RB1CC1: variants seen among roughly 807,000 people sequenced by gnomAD.
The protein encoded by RB1CC1 is RB1 inducible coiled-coil 1.
In RB1CC1, 46 loss-of-function variants were observed where a neutral mutation model predicts 177.5. The ratio of observed to expected loss-of-function variants is 0.26; its 90% CI spans 0.20 to 0.33. The LOEUF (loss-of-function observed/expected upper bound fraction) is 0.33. Ranked by LOEUF, RB1CC1 falls within the 10% of genes least tolerant of loss-of-function variation. The pLI is 1.00. For missense variants in RB1CC1, 1,703 were observed against 1,816.3 expected, an observed-to-expected ratio of 0.94 and a Z score of 1.13; for synonymous variants, 666 against 613.6, an observed-to-expected ratio of 1.09 and a Z score of -1.26.
chr8:52,709,834 C>T (rs1856909522), intron 1 of RB1CC1, among the ~76,000 whole-genome samples: 1 of 152,258 alleles, frequency 6.6e-6, no homozygotes, highest in African/African-American at 2.4e-5. Flanking sequence ...ACCTTCAAAA[C>T]TGGACACATT....
chr8:52,670,833 C>T (rs1006947679), intron 7 of RB1CC1, among the ~76,000 whole-genome samples: 13 of 151,724 alleles, frequency 8.6e-5, no homozygotes, highest in East Asian at 7.8e-4. Flanking sequence ...TTAAAAAAAA[C>T]AAAAATTTGC....
At chr8:52,638,430 T>A (rs1849318008) in intron 18 of RB1CC1, among the ~76,000 whole-genome samples, 1 of 152,176 alleles carries the variant, frequency 6.6e-6, no homozygotes. Flanking sequence ...TTTCTTCTTT[T>A]GATATATTTG....
chr8:52,639,961 C>T (rs2150403569), intron 18 of RB1CC1, among the ~76,000 whole-genome samples: 1 of 152,292 alleles, frequency 6.6e-6, no homozygotes, highest in South Asian at 2.1e-4. Flanking sequence ...TTATGTCCCT[C>T]TTTTCATTAC....
At position 52,676,560 on chromosome 8, in the gene RB1CC1, T is replaced by C; in HGVS notation, c.381A>G (p.Glu127=). 6.2e-7 allele frequency: 1 copy of C among 1,600,470 alleles called. No homozygotes were observed. Among genetic ancestry groups the C allele is most frequent in the Non-Finnish European group, 8.5e-7 (1 of 1,174,708 alleles). ...AAAAAGAACAAAGTTTCTTGGCAACTTCATACATTTCCTATATTGAAAAAG... is the reference window on the plus strand; with the variant it reads ...AAAAAGAACAAAGTTTCTTGGCAACCTCATACATTTCCTATATTGAAAAAG... The part of the protein sequence containing the change: ...SRTQLALEMY[E]VAKKLCSFCE... Residue 127 remains glutamate, a synonymous_variant, in exon 6 of 24, where the codon GAA becomes GAG. Coordinates refer to ENST00000025008, the MANE Select transcript of RB1CC1 (RefSeq NM_014781.5).
intron 15 of RB1CC1, among the ~76,000 whole-genome samples, chr8:52,646,320 CA>C (rs1052027482): frequency 6.7e-6 from 1 of 150,010 alleles, no homozygotes; most frequent in Non-Finnish European, 1.5e-5. Context: ...AAACAAACAA[CA>C]AAAAAAAACA....
rs1563339397 is a variant in RB1CC1, at chr8:52,623,872, G to GA, written c.4708-14dup. On this transcript the variant is annotated splice_polypyrimidine_tract_variant and intron_variant, in intron 23 of 23. Transcript: ENST00000025008. ...ATCTGTTTTGTGCCTAAGAGGGAAA[G>GA]AAAAAATGGAATCACTAGAGTGATT... The GA allele has an allele frequency of 1.3e-6, 2 of 1,554,376 alleles. No homozygotes were observed. The highest frequency in any genetic ancestry group is 1.8e-6 in the Non-Finnish European group (2 of 1,128,186).
intron 16 of RB1CC1, 57 bp from the exon 17 acceptor site, chr8:52,642,869 T>G: frequency 1.4e-6 from 2 of 1,403,976 alleles, no homozygotes; most frequent in Non-Finnish European, 1.9e-6. Flanking sequence ...AGCTAGGACT[T>G]AGAAAATACA....
At position 52,628,214 on chromosome 8, in the gene RB1CC1, C is replaced by T. The variant is rs761912124; in HGVS notation, c.4500-46G>A. The T allele has an allele frequency of 1.9e-6, 3 of 1,556,334 alleles. No homozygotes were observed. The African/African-American group carries it at 4.1e-5, about 21-fold the overall frequency. ...TTATTGACTTAGAGTTACTTTCAATCCCCCTATTCTGAAAACTTAGCATAT... is the reference window on the plus strand; with the variant it reads ...TTATTGACTTAGAGTTACTTTCAATTCCCCTATTCTGAAAACTTAGCATAT... On this transcript the variant is annotated intron_variant, in intron 21 of 23. Transcript: ENST00000025008.
intron 12 of RB1CC1, among the ~76,000 whole-genome samples, chr8:52,659,366 T>A (rs773435139): frequency 2.6e-5 from 4 of 152,166 alleles, no homozygotes; most frequent in Non-Finnish European, 5.9e-5. Context: ...AATGCACACA[T>A]GTATTTTTTT....
At chr8:52,685,293 C>T (rs974827526) in intron 3 of RB1CC1, 106 bp downstream of exon 3, 148 of 812,748 alleles carry the variant, frequency 1.8e-4, no homozygotes, top group Middle Eastern at 9.4e-4. Flanking sequence ...CGTGAGGTAC[C>T]GCACCCGGCC....
chr8:52,699,831 A>T (rs1277850944), intron 1 of RB1CC1, among the ~76,000 whole-genome samples: 2 of 29,952 alleles, frequency 6.7e-5, no homozygotes, highest in South Asian at 3.2e-3. Flanking sequence ...AAAAAAAAAA[A>T]TATATATATA....
At chr8:52,698,354 G>A (rs1038965774) in intron 1 of RB1CC1, among the ~76,000 whole-genome samples, 1 of 151,602 alleles carries the variant, frequency 6.6e-6, no homozygotes, top group African/African-American at 2.4e-5. Flanking sequence ...ACGGAGTCTC[G>A]CTCTGTCGCC....
At chr8:52,636,805 T>C (rs892798089) in intron 18 of RB1CC1, among the ~76,000 whole-genome samples, 1 of 152,210 alleles carries the variant, frequency 6.6e-6, no homozygotes, top group East Asian at 1.9e-4. Context: ...TGCATCAGAA[T>C]ATCCAGCTAT....
At chr8:52,701,436 T>C (rs1856043175) in intron 1 of RB1CC1, among the ~76,000 whole-genome samples, 1 of 152,102 alleles carries the variant, frequency 6.6e-6, no homozygotes, top group Admixed American at 6.5e-5. Context: ...AGGGACCAGA[T>C]CTATACAACA....
At chr8:52,628,392 A>C (rs1285456978) in intron 21 of RB1CC1, among the ~76,000 whole-genome samples, 2 of 152,160 alleles carry the variant, frequency 1.3e-5, no homozygotes, top group African/African-American at 4.8e-5. Context: ...CAAAAACCAA[A>C]AATTTCTTTA....
Position 52,645,809 on chromosome 8 carries a change from T to G in RB1CC1, c.3880A>C (p.Lys1294Gln). 6.2e-7 allele frequency: 1 copy of G among 1,610,628 alleles called. No homozygotes were observed. Among genetic ancestry groups the G allele is most frequent in the South Asian group, 1.1e-5 (1 of 90,064 alleles). ...SSSLVAELQE[K>Q]LQEEKAKFLE... is the part of the protein sequence containing the mutation. ...AACTTAGCTTTTTCTTCCTGAAGCT[T>G]TTCTTGAAGTTCAGCAACTAAGCTT... Residue 1294 changes from lysine (K) to glutamine (Q), a missense_variant, in exon 16 of 24, where the codon AAG (lysine) becomes CAG (glutamine). Lys to Gln is a moderately conservative substitution (Grantham distance 53, BLOSUM62 1). Around this residue, in one of 6 missense-constraint regions of RB1CC1, gnomAD observed 1,169 missense variants for 1,184.7 expected, o/e 0.99. Coordinates refer to ENST00000025008, the MANE Select transcript of RB1CC1 (RefSeq NM_014781.5).
At chr8:52,710,635 A>G (rs555139242) in intron 1 of RB1CC1, among the ~76,000 whole-genome samples, 1 of 152,342 alleles carries the variant, frequency 6.6e-6, no homozygotes, top group Non-Finnish European at 1.5e-5. Flanking sequence ...AAAACTACAT[A>G]AAATGCATGA....
intron 18 of RB1CC1, 128 bp downstream of exon 18, chr8:52,642,223 A>C (rs1849645390): frequency 7.9e-7 from 1 of 1,270,128 alleles, no homozygotes; most frequent in African/African-American, 1.5e-5. Context: ...AAAGAATTAA[A>C]ATAGCACAAC....
intron 1 of RB1CC1, among the ~76,000 whole-genome samples, chr8:52,708,505 A>AGACTC (rs1363789930): frequency 6.6e-6 from 1 of 151,570 alleles, no homozygotes; most frequent in Non-Finnish European, 1.5e-5. Context: ...CAACAGAGCG[A>AGACTC]GACTCGTCTC....
Sources: gnomAD v4.1 joint callset for allele counts (sites outside exome capture counted in the v4.1 genomes callset) on GRCh38, gnomAD v4.1.1 for gene constraint, gnomAD v4.1.1 regional missense constraint, MANE v1.5 for transcripts, NCBI Gene and HGNC (gene_info 2026-07-23, HGNC 2026-07-21) for gene names.